Variants in EPHA5 observed in about 807,000 individuals in gnomAD.
EPHA5 encodes ephrin type-A receptor 5.
In EPHA5, 60 loss-of-function variants were observed where a neutral mutation model predicts 105.0. That is an observed-to-expected ratio of 0.57 (90% CI 0.46 to 0.71). The LOEUF (loss-of-function observed/expected upper bound fraction) is 0.71, where lower values mean the gene tolerates loss of function less well. Among genes scored for constraint, EPHA5 ranks in the 30% least tolerant of loss-of-function variants. The pLI, the probability that EPHA5 is intolerant of heterozygous loss-of-function variation, is 0.00. For missense variants in EPHA5, 1,218 were observed against 1,274.7 expected (o/e 0.96, Z 0.68); for synonymous variants, 513 against 449.1 (o/e 1.14, Z -1.80).
chr4:65,385,818 A>G (rs1255438947), intron 8 of EPHA5, among the ~76,000 whole-genome samples: 1 of 151,832 alleles, frequency 6.6e-6, no homozygotes, highest in Non-Finnish European at 1.5e-5. Flanking sequence ...AATTTACCTG[A>G]CCAAACATTG....
intron 5 of EPHA5, 123 bp from the exon 6 acceptor site, chr4:65,420,688 T>A: frequency 1.1e-6 from 1 of 881,296 alleles, no homozygotes; most frequent in East Asian, 2.9e-5. Context: ...CCAATTAAAT[T>A]TTAGTTTTTC....
Position 65,323,925 on chromosome 4 carries a change from T to G in EPHA5, c.*189A>C. The G allele has an allele frequency of 2.2e-6, 1 of 448,116 alleles. No individual in the cohort carries two copies. The highest frequency in any genetic ancestry group is 4.0e-6 in the Non-Finnish European group (1 of 249,478). The allele number at this position is 448,116 out of a possible 1,614,324, so 27.8% of individuals were successfully genotyped here. ...CAAGATATGTTTGCTTCATGAAAAA[T>G]GAAGACTAAGGACTAAGAACTGGAT... On this transcript the variant is annotated 3_prime_UTR_variant, in exon 17 of 17. Coordinates refer to ENST00000613740, the MANE Select transcript of EPHA5 (RefSeq NM_001281766.3).
intron 7 of EPHA5, among the ~76,000 whole-genome samples, chr4:65,405,917 A>C (rs955082581): frequency 6.6e-6 from 1 of 151,812 alleles, no homozygotes; most frequent in Non-Finnish European, 1.5e-5. Context: ...TTTTTTTGGC[A>C]GAGGTCACTG....
intron 3 of EPHA5, among the ~76,000 whole-genome samples, chr4:65,575,489 CA>C (rs1293644779): frequency 6.6e-6 from 1 of 152,168 alleles, no homozygotes; most frequent in Admixed American, 6.5e-5. Context: ...TAACACTCTG[CA>C]AAGAGATGGA....
At chr4:65,531,288 C>T (rs1356289528) in intron 3 of EPHA5, among the ~76,000 whole-genome samples, 2 of 152,014 alleles carry the variant, frequency 1.3e-5, no homozygotes, top group Non-Finnish European at 1.5e-5. Flanking sequence ...CCACCCGCCT[C>T]GGCCTCCCAA....
intron 2 of EPHA5, among the ~76,000 whole-genome samples, chr4:65,634,081 C>T (rs1746891746): frequency 1.3e-5 from 2 of 151,930 alleles, no homozygotes; most frequent in African/African-American, 4.8e-5. Context: ...GGAAGTAATA[C>T]TTAAATCTAA....
chr4:65,508,155 G>T (rs1447781322), intron 3 of EPHA5, among the ~76,000 whole-genome samples: 1 of 152,088 alleles, frequency 6.6e-6, no homozygotes, highest in African/African-American at 2.4e-5. Flanking sequence ...GATAGGTAGG[G>T]TGCACAGTTT....
intron 1 of EPHA5, among the ~76,000 whole-genome samples, chr4:65,645,710 C>A (rs969282143): frequency 6.6e-5 from 10 of 151,260 alleles, no homozygotes; most frequent in African/African-American, 2.2e-4. Context: ...TGAGTGTTCT[C>A]AATGTCGGAA....
chr4:65,576,050 GAAAGAAAGA>G (rs1194965535), intron 3 of EPHA5, among the ~76,000 whole-genome samples: 109 of 71,192 alleles, frequency 1.5e-3, no homozygotes, highest in Middle Eastern at 6.4e-3. Context: ...AAGAAAGAAA[GAAAGAAAGA>G]AAAGAAAAGA....
chr4:65,442,603 A>G (rs2149088937), intron 5 of EPHA5, among the ~76,000 whole-genome samples: 1 of 152,298 alleles, frequency 6.6e-6, no homozygotes, highest in African/African-American at 2.4e-5. Context: ...CTGGACATCC[A>G]GATATGTAAG....
At chr4:65,499,603 C>T (rs536527452) in intron 3 of EPHA5, among the ~76,000 whole-genome samples, 1 of 151,412 alleles carries the variant, frequency 6.6e-6, no homozygotes, top group Non-Finnish European at 1.5e-5. Flanking sequence ...ATTTGACATG[C>T]CCTCTTTTAG....
Position 65,519,498 on chromosome 4 carries a change from C to A in EPHA5, c.911-23955G>T, listed in dbSNP as rs10021809. ...AGGGATGCCCTCTCTCACCACTCCT[C>A]TTCAACATAGTGTTGGAAGTTCTGG... On this transcript the variant is annotated intron_variant, in intron 3 of 16. Coordinates refer to ENST00000613740, the MANE Select transcript of EPHA5 (RefSeq NM_001281766.3). Among the ~76,000 whole-genome samples the A allele has an allele frequency of 3.1e-3, 470 of 152,030 alleles. 1 individual carries two copies. The highest frequency in any genetic ancestry group is 0.011 in the African/African-American group (436 of 41,506).
chr4:65,512,389 T>C (rs540554842), intron 3 of EPHA5, among the ~76,000 whole-genome samples: 1 of 152,084 alleles, frequency 6.6e-6, no homozygotes, highest in Non-Finnish European at 1.5e-5. Flanking sequence ...CCCATTCAAA[T>C]CTCATGTTCA....
rs112138320 is a variant in EPHA5 at position 65,333,352 on chromosome 4, T to C, written c.2790-1224A>G. 5.9e-4 allele frequency among the ~76,000 whole-genome samples: 89 copies of C among 151,882 alleles called. 1 individual carries two copies. Among genetic ancestry groups the C allele is most frequent in the African/African-American group, 2.0e-3 (82 of 41,420 alleles). On this transcript the variant is annotated intron_variant, in intron 15 of 16. Coordinates refer to ENST00000613740, the MANE Select transcript of EPHA5 (RefSeq NM_001281766.3). ...AAAACCAATTTTATAAAAATTACTC[T>C]AGTTGAGATGGTCAATGATCTCTCT...
chr4:65,582,785 C>T (rs893303894), intron 3 of EPHA5, among the ~76,000 whole-genome samples: 13 of 151,628 alleles, frequency 8.6e-5, no homozygotes, highest in East Asian at 3.9e-4. Flanking sequence ...CATATATTTA[C>T]TCAAAAGTCT....
intron 16 of EPHA5, among the ~76,000 whole-genome samples, chr4:65,324,567 C>T (rs1719897247): frequency 6.6e-6 from 1 of 151,288 alleles, no homozygotes; most frequent in Non-Finnish European, 1.5e-5. Context: ...TGCAGATTTA[C>T]AATATTCATA....
At chr4:65,461,170 A>G (rs1460598509) in intron 5 of EPHA5, among the ~76,000 whole-genome samples, 2 of 151,936 alleles carry the variant, frequency 1.3e-5, no homozygotes, top group Non-Finnish European at 2.9e-5. Context: ...GTTATTGTAA[A>G]TGTACACCTA....
chr4:65,520,523 G>A (rs934197084), intron 3 of EPHA5, among the ~76,000 whole-genome samples: 37 of 151,900 alleles, frequency 2.4e-4, no homozygotes, highest in African/African-American at 7.0e-4. Flanking sequence ...CAAAATGGAC[G>A]AATGGGATCT....
intron 2 of EPHA5, among the ~76,000 whole-genome samples, chr4:65,625,470 G>T (rs2149482554): frequency 6.6e-6 from 1 of 152,232 alleles, no homozygotes; most frequent in Non-Finnish European, 1.5e-5. Flanking sequence ...ACCTTCTCCA[G>T]TCATCAACTG....
Sources: gnomAD v4.1 joint callset for allele counts (sites outside exome capture counted in the v4.1 genomes callset) on GRCh38, gnomAD v4.1.1 for gene constraint, MANE v1.5 for transcripts, NCBI Gene and HGNC (gene_info 2026-07-23, HGNC 2026-07-21) for gene names.